The following PAN2 variants were observed in gnomAD, a reference collection of about 807,000 sequenced individuals.
The protein encoded by PAN2 is PAN2-PAN3 deadenylation complex catalytic subunit PAN2.
Under a neutral mutation model 133.3 loss-of-function variants are expected in PAN2, and 68 were observed. The ratio of observed to expected loss-of-function variants is 0.51; its 90% CI spans 0.42 to 0.62. The LOEUF (loss-of-function observed/expected upper bound fraction) is 0.62. Among genes scored for constraint, PAN2 ranks in the 20% least tolerant of loss-of-function variants. PAN2 has a pLI of 0.00. For synonymous variants in PAN2, 462 were observed against 544.6 expected, an observed-to-expected ratio of 0.85 and a Z score of 2.11; for missense variants, 1,042 against 1,500.5, an observed-to-expected ratio of 0.69 and a Z score of 5.05.
Position 56,324,691 on chromosome 12 carries a change from G to T in PAN2, c.1618C>A (p.Pro540Thr). Residue 540 changes from proline (P) to threonine (T), a missense_variant, in exon 11 of 26, where the codon CCT becomes ACT. Transcript: ENST00000440411. ...TGGTTTTGAATTAGACAGCGTACAG[G>T]CTCCAGGAAATAGAGCACCTGGAGG... ...CMIQVLYFLEPVRCLIQNHLC... is the reference protein window; with the variant it reads ...CMIQVLYFLETVRCLIQNHLC... 1.9e-6 allele frequency: 3 copies of T among 1,613,728 alleles called. No individual in the cohort carries two copies. The highest frequency in any genetic ancestry group is 2.5e-6 in the Non-Finnish European group (3 of 1,179,880).
intron 10 of PAN2, 138 bp from the exon 11 acceptor site, chr12:56,324,847 G>T: frequency 2.2e-6 from 3 of 1,338,982 alleles, no homozygotes; most frequent in Non-Finnish European, 3.1e-6. Context: ...AACCGGTGGA[G>T]CTCAGAGGAG....
At chr12:56,321,101 G>A (rs76802120) in intron 20 of PAN2, among the ~76,000 whole-genome samples, 2,770 of 150,596 alleles carry the variant, frequency 0.018, 87 homozygotes, top group African/African-American at 0.064. Flanking sequence ...CTGTTGCCCA[G>A]GCTGGAGTAC....
Position 56,319,496 on chromosome 12 carries a change from A to G in PAN2, c.3091-9T>C, listed in dbSNP as rs1027522635. On this transcript the variant is annotated splice_polypyrimidine_tract_variant and intron_variant, in intron 22 of 25. Transcript: ENST00000440411. This position sits in a 1 kb window ranked among gnomAD's most constrained non-coding sequence, Gnocchi z 5.4. ...GTCAAGTAATCCACCACCTAGGAAT[A>G]GAGAAAAGGACAAGCCTTTTTCAGG... 6.2e-7 allele frequency: 1 copy of G among 1,609,588 alleles called. No homozygotes were observed. The highest frequency in any genetic ancestry group is 1.3e-5 in the African/African-American group (1 of 74,772).
chr12:56,328,196 A>G (rs1875336708), intron 4 of PAN2, 42 bp downstream of exon 4: 1 of 1,591,132 alleles, frequency 6.3e-7, no homozygotes, highest in African/African-American at 1.3e-5. Context: ...CCCCGCAACA[A>G]CCTCAGACCC....
At chr12:56,318,029 T>A (rs1325662682) in intron 25 of PAN2, among the ~76,000 whole-genome samples, 1 of 152,030 alleles carries the variant, frequency 6.6e-6, no homozygotes, top group Non-Finnish European at 1.5e-5. Context: ...GTACAAAAAT[T>A]AGCTGGGTGT....
rs1054019742 is a variant in PAN2 at position 56,333,967 on chromosome 12, C to A, written c.-220G>T. The stretch of plus-strand genomic sequence containing the variant: ...GGAAATTCCAGTTTCCCCAGTTCTC[C>A]CCCACGCCTAGGGCTCAACCTAACC... On this transcript the variant is annotated 5_prime_UTR_variant, in exon 1 of 26. Transcript: ENST00000440411. 2.6e-5 allele frequency: 4 copies of A among 152,146 alleles called. No individual in the cohort carries two copies. Among genetic ancestry groups the A allele is most frequent in the Non-Finnish European group, 5.9e-5 (4 of 68,024 alleles). The allele number at this position is 152,146 out of a possible 1,614,324, so 9.4% of individuals were successfully genotyped here. A position where few individuals can be genotyped will look rare whatever the true frequency, so the allele number is the denominator to read the frequency against.
rs1236330091 is a variant in PAN2 at position 56,319,934 on chromosome 12, A to G, written c.2876T>C (p.Leu959Pro). 2 of 1,614,230 alleles carry G rather than the reference A, an allele frequency of 1.2e-6. No homozygotes were observed. The highest frequency in any genetic ancestry group is 1.7e-6 in the Non-Finnish European group (2 of 1,180,024). Residue 959 changes from leucine to proline, a missense_variant, in exon 21 of 26, where the codon CTG becomes CCG. By Grantham distance (98) the Leu-to-Pro change is moderately conservative (BLOSUM62 -3). This residue lies in a region of PAN2 where 908 missense variants were observed against 1,223.5 expected (regional missense o/e 0.74). Coordinates refer to ENST00000440411, the MANE Select transcript of PAN2 (RefSeq NM_014871.6). This position sits in a 1 kb window ranked among gnomAD's most constrained non-coding sequence, Gnocchi z 5.4. The part of the protein sequence containing the change: ...QRKTHTTFIP[L>P]MLNEMPQIGD... Reference sequence around the variant, plus strand: ...AATCTGTGGCATCTCATTCAGCATCAGTGGAATAAAGGTAGTATGTGTTTT... The same window carrying G: ...AATCTGTGGCATCTCATTCAGCATCGGTGGAATAAAGGTAGTATGTGTTTT...
chr12:56,326,500 C>A, intron 7 of PAN2, 91 bp from the exon 8 acceptor site: 1 of 1,509,386 alleles, frequency 6.6e-7, no homozygotes, highest in Non-Finnish European at 8.9e-7. Flanking sequence ...AAAGAAAATA[C>A]TGAAGGTAGA....
At chr12:56,329,250 G>C (rs1294435690) in intron 2 of PAN2, among the ~76,000 whole-genome samples, 1 of 151,878 alleles carries the variant, frequency 6.6e-6, no homozygotes, top group African/African-American at 2.4e-5. Flanking sequence ...GATCTACCTA[G>C]TTGACCAAGC....
Position 56,323,157 on chromosome 12 carries a change from ACTC to A in PAN2, c.2395_2397del (p.Glu799del). On this transcript the variant is annotated inframe_deletion, in exon 17 of 26. Transcript: ENST00000440411. ...GAGAAAGGAAGCCAGACGTTCTTCA[ACTC>A]CTCAATGGAGGGACACACCAGCACA... The A allele has an allele frequency of 6.2e-7, 1 of 1,613,924 alleles. No homozygotes were observed. The highest frequency in any genetic ancestry group is 8.5e-7 in the Non-Finnish European group (1 of 1,179,986).
chr12:56,333,013 G>C lies in PAN2; in HGVS notation c.82C>G (p.His28Asp). The change falls in exon 2 of 26, where the codon CAC (histidine) becomes GAC (aspartate). Residue 28 changes from histidine (H) to aspartate (D), a missense_variant. This residue lies in a region of PAN2 where 908 missense variants were observed against 1,223.5 expected (regional missense o/e 0.74). Coordinates refer to ENST00000440411, the MANE Select transcript of PAN2 (RefSeq NM_014871.6). ...TTCTGTAGCAGACTTGGGTTCAGGT[G>C]GGCATCCAAGACAGGGTCCAGGGCA... ...HSALDPVLDA[H>D]LNPSLLQNVE... is the part of the protein sequence containing the mutation. 6.2e-7 allele frequency: 1 copy of C among 1,614,166 alleles called. No homozygotes were observed. The highest frequency in any genetic ancestry group is 1.1e-5 in the South Asian group (1 of 91,090).
chr12:56,317,268 C>G lies in PAN2; in HGVS notation c.*341G>C, dbSNP rs995272855. The G allele has an allele frequency of 1.0e-5, 3 of 296,622 alleles. No individual in the cohort carries two copies. The highest frequency in any genetic ancestry group is 1.9e-5 in the Non-Finnish European group (3 of 155,976). The allele number at this position is 296,622 out of a possible 1,614,324, so 18.4% of individuals were successfully genotyped here. On this transcript the variant is annotated 3_prime_UTR_variant, in exon 26 of 26. Transcript: ENST00000440411. The stretch of plus-strand genomic sequence containing the variant: ...ACTGTCCAGGACTTCAATCCCTAGC[C>G]AGCTAGGAACTTACAGTTATGGTTC...
chr12:56,317,587 C>T lies in PAN2; in HGVS notation c.*22G>A, dbSNP rs3809129. 125,391 of 1,608,610 alleles carry T rather than the reference C, an allele frequency of 0.078. 10,861 individuals carry two copies. Among genetic ancestry groups the T allele is most frequent in the East Asian group, 0.34 (15,104 of 44,802 alleles). ...CTATAGAACAGTAAAGGGAGAGGGC[C>T]GTGGTTCTTTGGGAAGGGTAGTCAG... On this transcript the variant is annotated 3_prime_UTR_variant, in exon 26 of 26. Transcript: ENST00000440411.
chr12:56,323,895 T>A lies in PAN2; in HGVS notation c.2084A>T (p.Tyr695Phe), dbSNP rs1215934501. 1.1e-5 allele frequency: 17 copies of A among 1,614,010 alleles called. No homozygotes were observed. The highest frequency in any genetic ancestry group is 1.4e-5 in the Non-Finnish European group (17 of 1,179,804). The change falls in exon 14 of 26, where the codon TAT (tyrosine) becomes TTT (phenylalanine). Residue 695 changes from tyrosine to phenylalanine, a missense_variant. This residue lies in a region of PAN2 where 908 missense variants were observed against 1,223.5 expected (regional missense o/e 0.74). Transcript: ENST00000440411. ...SYPDDKTGKN[Y>F]DFAQVLKRSI... ...TCGCTTCAGCACCTGAGCAAAGTCA[T>A]AGTTCTTCCCAGTTTTATCTGAGGG... is the stretch of plus-strand genomic sequence containing the variant.
At chr12:56,328,993 A>G (rs1034936826) in intron 2 of PAN2, among the ~76,000 whole-genome samples, 4 of 152,150 alleles carry the variant, frequency 2.6e-5, no homozygotes, top group African/African-American at 9.7e-5. Context: ...TATGTTTCAC[A>G]TCTGGGAGGA....
In PAN2 at chr12:56,322,194, G is replaced by A. The variant is rs1449485569; in HGVS notation, c.2698-26C>T. The A allele has an allele frequency of 2.2e-6, 3 of 1,383,950 alleles. No individual in the cohort carries two copies. In the South Asian group the frequency reaches 3.5e-5, roughly 16 times the overall value. The allele number at this position is 1,383,950 out of a possible 1,614,324, so 85.7% of individuals were successfully genotyped here. ...CTATAGAAGAGAAAAAGCACTTATG[G>A]CTAATGTATATCACCCTTTTCCTTT... On this transcript the variant is annotated intron_variant, in intron 19 of 25. Transcript: ENST00000440411.
In PAN2 at chr12:56,318,278, TC is replaced by T; in HGVS notation, c.3520del (p.Asp1174ThrfsTer75). On this transcript the variant is annotated frameshift_variant, in exon 25 of 26. Transcript: ENST00000440411. LOFTEE classifies it high-confidence loss of function. The stretch of plus-strand genomic sequence containing the variant: ...GCCCTCAGGCTCAGGCACCTTCCAG[TC>T]CATCTTTCTGCCCTTCTCATAAAGA... ...KGLYEKGRKM[D>X]WKVPEPEGQT... is the part of the protein sequence containing the mutation. The T allele has an allele frequency of 6.2e-7, 1 of 1,614,144 alleles. No individual in the cohort carries two copies. The highest frequency in any genetic ancestry group is 8.5e-7 in the Non-Finnish European group (1 of 1,180,032).
At position 56,327,398 on chromosome 12, in the gene PAN2, T is replaced by G. The variant is rs181336792; in HGVS notation, c.885A>C (p.Thr295=). 8.8e-5 allele frequency: 142 copies of G among 1,614,178 alleles called. 1 individual carries two copies. The Admixed American group carries it at 2.3e-3, about 27-fold the overall frequency. ...AGATGATAGCAAGACGAGAAGTATATGTAGGAATGAAGCGCAAGAAGGCAG... is the reference window on the plus strand; with the variant it reads ...AGATGATAGCAAGACGAGAAGTATAGGTAGGAATGAAGCGCAAGAAGGCAG... The part of the protein sequence containing the change: ...VDPAFLRFIP[T]YTSRLAIISQ... Residue 295 remains threonine, a synonymous_variant, in exon 6 of 26, where the codon ACA becomes ACC. Coordinates refer to ENST00000440411, the MANE Select transcript of PAN2 (RefSeq NM_014871.6).
chr12:56,328,102 G>A (rs1301839447), intron 4 of PAN2, 30 bp from the exon 5 acceptor site: 6 of 1,612,232 alleles, frequency 3.7e-6, no homozygotes, highest in Non-Finnish European at 4.2e-6. Flanking sequence ...AAACCAGTGA[G>A]AAGAATGATT....
Sources: allele counts gnomAD v4.1 joint callset (sites outside exome capture counted in the v4.1 genomes callset), GRCh38; gene constraint gnomAD v4.1.1; regional missense constraint gnomAD v4.1.1; non-coding constraint Gnocchi (gnomAD v3.1); transcripts MANE v1.5; gene names NCBI Gene and HGNC (gene_info 2026-07-23, HGNC 2026-07-21).